The following JARID2 variants were observed in gnomAD, a reference collection of about 807,000 sequenced individuals.
The protein encoded by JARID2 is protein Jumonji.
A neutral mutation model predicts 125.6 loss-of-function variants in JARID2; 21 were observed. That is an observed-to-expected ratio of 0.17 (90% CI 0.12 to 0.24). JARID2 has a LOEUF of 0.24. JARID2 is among the 10% of genes least tolerant of loss of function. The pLI is 1.00. For missense variants in JARID2, 1,303 were observed against 1,639.6 expected (o/e 0.79, Z 3.55); for synonymous variants, 736 against 661.6 (o/e 1.11, Z -1.73).
intron 1 of JARID2, among the ~76,000 whole-genome samples, chr6:15,282,753 C>T (rs186250920): frequency 1.9e-4 from 29 of 152,220 alleles, no homozygotes; most frequent in Middle Eastern, 3.4e-3. Context: ...AGGCATGCGC[C>T]ACCATGCTCA....
At chr6:15,387,994 C>G (rs560031163) in intron 2 of JARID2, among the ~76,000 whole-genome samples, 1 of 152,224 alleles carries the variant, frequency 6.6e-6, no homozygotes, top group Non-Finnish European at 1.5e-5. Flanking sequence ...GCAGGGTCAC[C>G]AGATAGGGCT....
At chr6:15,514,680 C>G (rs143557260) in intron 16 of JARID2, among the ~76,000 whole-genome samples, 72 of 152,284 alleles carry the variant, frequency 4.7e-4, no homozygotes, top group African/African-American at 1.5e-3. Context: ...GCTAAAAACT[C>G]GGTGTGTCCT....
rs559889112 is a variant in JARID2 at position 15,389,031 on chromosome 6, A to G, written c.181+14779A>G. Among the ~76,000 whole-genome samples, 9 of 152,204 alleles carry G rather than the reference A, an allele frequency of 5.9e-5. 1 individual carries two copies. The South Asian group carries it at 1.9e-3, about 32-fold the overall frequency. On this transcript the variant is annotated intron_variant, in intron 2 of 17. Coordinates refer to ENST00000341776, the MANE Select transcript of JARID2 (RefSeq NM_004973.4). ...GGCCACGTGTGGAGGCTCCCAGGCT[A>G]GCTTCTGGTGGTCTCTGAAGTGGTA...
Position 15,513,273 on chromosome 6 carries a change from G to C in JARID2, c.3301G>C (p.Glu1101Gln). The change falls in exon 16 of 18, where the codon GAG becomes CAG. Residue 1101 changes from glutamate (E) to glutamine (Q), a missense_variant. Glu to Gln is a conservative substitution (Grantham distance 29). Coordinates refer to ENST00000341776, the MANE Select transcript of JARID2 (RefSeq NM_004973.4). ...GCTGCGGCAGCGCAGGCAGCTGTTC[G>C]AGGCTGGCCTCCACTCCTCCGCACG... ...TELRQRRQLFEAGLHSSARYG... is the reference protein window; with the variant it reads ...TELRQRRQLFQAGLHSSARYG... 1.9e-6 allele frequency: 3 copies of C among 1,582,648 alleles called. No individual in the cohort carries two copies. Among genetic ancestry groups the C allele is most frequent in the South Asian group, 1.1e-5 (1 of 88,054 alleles).
intron 1 of JARID2, among the ~76,000 whole-genome samples, chr6:15,311,403 C>A (rs938425810): frequency 1.3e-5 from 2 of 152,184 alleles, no homozygotes; most frequent in African/African-American, 4.8e-5. Context: ...CATGGAGAAA[C>A]CCCATCTCTA....
intron 1 of JARID2, among the ~76,000 whole-genome samples, chr6:15,348,040 T>C (rs560920885): frequency 6.6e-6 from 1 of 152,164 alleles, no homozygotes; most frequent in East Asian, 1.9e-4. Context: ...CACACCCAGC[T>C]GCAAGGAAGT....
chr6:15,397,168 A>G (rs1469468897), intron 2 of JARID2, among the ~76,000 whole-genome samples: 2 of 152,230 alleles, frequency 1.3e-5, no homozygotes, highest in Non-Finnish European at 2.9e-5. Context: ...TACTGCTGTC[A>G]CAGAGTGCCC....
At chr6:15,342,214 T>G (rs1763091798) in intron 1 of JARID2, among the ~76,000 whole-genome samples, 1 of 152,238 alleles carries the variant, frequency 6.6e-6, no homozygotes, top group South Asian at 2.1e-4. Context: ...GGGTGGAGAA[T>G]GTTCCACTGG....
intron 1 of JARID2, among the ~76,000 whole-genome samples, chr6:15,347,442 A>T (rs1307641976): frequency 6.6e-6 from 1 of 152,104 alleles, no homozygotes; most frequent in Non-Finnish European, 1.5e-5. Context: ...TAACCTTTTA[A>T]ACCATCAGAA....
chr6:15,447,862 A>G (rs1767742825), intron 3 of JARID2, among the ~76,000 whole-genome samples: 1 of 152,158 alleles, frequency 6.6e-6, no homozygotes, highest in Non-Finnish European at 1.5e-5. Context: ...TAGCATCTCT[A>G]GGTGCAAATA....
At chr6:15,409,184 TTC>T (rs1765773722) in intron 2 of JARID2, among the ~76,000 whole-genome samples, 1 of 152,214 alleles carries the variant, frequency 6.6e-6, no homozygotes, top group African/African-American at 2.4e-5. Context: ...AGAAGTCACT[TTC>T]TGAGATACTT....
At chr6:15,345,717 A>G (rs1157276856) in intron 1 of JARID2, among the ~76,000 whole-genome samples, 2 of 152,168 alleles carry the variant, frequency 1.3e-5, no homozygotes, top group Non-Finnish European at 2.9e-5. Flanking sequence ...TTCCTCTTAG[A>G]TGGAAATTTT....
chr6:15,503,905 AGG>A (rs905937242), intron 8 of JARID2, among the ~76,000 whole-genome samples: 19 of 146,124 alleles, frequency 1.3e-4, no homozygotes, highest in African/African-American at 5.3e-4. Context: ...AGGGCAACAG[AGG>A]GGCATCGAAG....
chr6:15,425,684 T>C (rs1005676077), intron 3 of JARID2, among the ~76,000 whole-genome samples: 12 of 152,334 alleles, frequency 7.9e-5, no homozygotes, highest in East Asian at 1.9e-4. Context: ...CATATGCCTG[T>C]CCATCAGTCT....
At chr6:15,390,977 G>C (rs2237156) in intron 2 of JARID2, among the ~76,000 whole-genome samples, 1 of 151,928 alleles carries the variant, frequency 6.6e-6, no homozygotes, top group Admixed American at 6.5e-5. Context: ...GTATTCTTAC[G>C]ATGAATGCAG....
At position 15,323,985 on chromosome 6, in the gene JARID2, A is replaced by G. The variant is rs191490646; in HGVS notation, c.46-50132A>G. 2.3e-4 allele frequency among the ~76,000 whole-genome samples: 35 copies of G among 151,364 alleles called. No homozygotes were observed. The East Asian group carries it at 2.3e-3, about 10-fold the overall frequency. On this transcript the variant is annotated intron_variant, in intron 1 of 17. Transcript: ENST00000341776. Reference sequence around the variant, plus strand: ...ATCACAAGGTCAGCAGATCGAGACCATCCTGGCTAACATGGTGAAACCCTG... The same window carrying G: ...ATCACAAGGTCAGCAGATCGAGACCGTCCTGGCTAACATGGTGAAACCCTG...
At chr6:15,494,467 G>A (rs1215577061) in intron 6 of JARID2, among the ~76,000 whole-genome samples, 3 of 143,946 alleles carry the variant, frequency 2.1e-5, no homozygotes, top group Non-Finnish European at 4.5e-5. Flanking sequence ...GGAGTGCAGT[G>A]GCATGATCTC....
intron 3 of JARID2, among the ~76,000 whole-genome samples, chr6:15,432,111 A>AC (rs1487555160): frequency 2.6e-5 from 4 of 151,940 alleles, no homozygotes; most frequent in South Asian, 2.1e-4. Flanking sequence ...GAAAAAAAAA[A>AC]AACACAGATT....
chr6:15,400,798 T>C, intron 2 of JARID2: 1 of 985,348 alleles, frequency 1.0e-6, no homozygotes, highest in Non-Finnish European at 1.2e-6. Flanking sequence ...CTGGCCGTCC[T>C]ATTGCCGCGC....
Sources: allele counts gnomAD v4.1 joint callset (sites outside exome capture counted in the v4.1 genomes callset), GRCh38; gene constraint gnomAD v4.1.1; transcripts MANE v1.5; gene names NCBI Gene and HGNC (gene_info 2026-07-23, HGNC 2026-07-21).